STK38L: variants seen among roughly 807,000 people sequenced by gnomAD.
STK38L encodes the protein serine/threonine-protein kinase 38-like.
Under a neutral mutation model 59.7 loss-of-function variants are expected in STK38L, and 28 were observed. The observed-to-expected ratio is 0.47, with a 90% CI of 0.35 to 0.64. The LOEUF (loss-of-function observed/expected upper bound fraction) is 0.64. Ranked by LOEUF, STK38L falls within the 30% of genes least tolerant of loss-of-function variation. The pLI is 0.01. For synonymous variants in STK38L, 162 were observed against 176.8 expected (o/e 0.92, Z 0.66); for missense variants, 314 against 555.8 (o/e 0.56, Z 4.37).
chr12:27,312,949 C>T lies in STK38L; in HGVS notation c.517+277C>T, dbSNP rs192234746. Among the ~76,000 whole-genome samples the T allele has an allele frequency of 1.3e-3, 195 of 152,158 alleles. 1 individual carries two copies. Among genetic ancestry groups the T allele is most frequent in the African/African-American group, 4.3e-3 (177 of 41,514 alleles). ...TGTGTTAGTTTATTTTATGTTGTTA[C>T]AAAAAATACCTGAGACTGGATGGGC... is the stretch of plus-strand genomic sequence containing the variant. On this transcript the variant is annotated intron_variant, in intron 6 of 13. Transcript: ENST00000389032.
chr12:27,317,358 C>T lies in STK38L; in HGVS notation c.860C>T (p.Pro287Leu), dbSNP rs1944611096. 2 of 1,610,652 alleles carry T rather than the reference C, an allele frequency of 1.2e-6. No homozygotes were observed. Among genetic ancestry groups the T allele is most frequent in the East Asian group, 4.5e-5 (2 of 44,802 alleles). Residue 287 changes from proline (P) to leucine (L), a missense_variant, in exon 10 of 14, where the codon CCA becomes CTA. Coordinates refer to ENST00000389032, the MANE Select transcript of STK38L (RefSeq NM_015000.4). ...RQLAYSTVGTPDYIAPEVFMQ... is the reference protein window; with the variant it reads ...RQLAYSTVGTLDYIAPEVFMQ... ...TAGGCATATTCCACAGTTGGGACAC[C>T]AGATTACATTGCTCCAGAAGTATTC... is the stretch of plus-strand genomic sequence containing the variant.
At chr12:27,305,251 G>T (rs1944281658) in intron 3 of STK38L, among the ~76,000 whole-genome samples, 1 of 152,218 alleles carries the variant, frequency 6.6e-6, no homozygotes, top group Non-Finnish European at 1.5e-5. Context: ...GTTGAATATA[G>T]TTTGTAGCTT....
chr12:27,261,596 A>G (rs1328702184), intron 1 of STK38L, among the ~76,000 whole-genome samples: 1 of 152,154 alleles, frequency 6.6e-6, no homozygotes, highest in Non-Finnish European at 1.5e-5. Context: ...TTGTTACAGT[A>G]ATATCTGAAC....
rs575187164 is a variant in STK38L at position 27,325,587 on chromosome 12, T to C, written c.*3132T>C. On this transcript the variant is annotated 3_prime_UTR_variant, in exon 14 of 14. Transcript: ENST00000389032. The stretch of plus-strand genomic sequence containing the variant: ...AGAACATTCAAAATAACTGTTTTGC[T>C]ACAACCCATGATTATTTTCCTGTTG... 6.6e-5 allele frequency: 10 copies of C among 152,294 alleles called. No homozygotes were observed. Among genetic ancestry groups the C allele is most frequent in the Non-Finnish European group, 4.4e-5 (3 of 67,994 alleles). The allele number at this position is 152,294 out of a possible 1,614,324, so 9.4% of individuals were successfully genotyped here. A position where few individuals can be genotyped will look rare whatever the true frequency, so the allele number is the denominator to read the frequency against.
At position 27,279,319 on chromosome 12, in the gene STK38L, TTAAA is replaced by T. The variant is rs1943602705; in HGVS notation, c.-11-18388_-11-18385del. Among the ~76,000 whole-genome samples the T allele has an allele frequency of 2.0e-5, 3 of 152,254 alleles. No individual in the cohort carries two copies. In the South Asian group the frequency reaches 6.2e-4, roughly 31 times the overall value. ...TTGGTTTAGCTGTGATAATAAATGTTTAAATAGTTTAAAGGAACAGAGTCTCAAA... is the reference window on the plus strand; with the variant it reads ...TTGGTTTAGCTGTGATAATAAATGTTTAGTTTAAAGGAACAGAGTCTCAAA... On this transcript the variant is annotated intron_variant, in intron 1 of 13. Transcript: ENST00000389032.
chr12:27,309,460 A>AG (rs774617158), intron 5 of STK38L, among the ~76,000 whole-genome samples: 1 of 152,186 alleles, frequency 6.6e-6, no homozygotes, highest in Non-Finnish European at 1.5e-5. Context: ...ATAGTTCTGG[A>AG]GGCTACAAGT....
intron 1 of STK38L, among the ~76,000 whole-genome samples, chr12:27,278,956 A>G (rs1000305129): frequency 6.6e-6 from 1 of 152,220 alleles, no homozygotes; most frequent in East Asian, 1.9e-4. Flanking sequence ...ATGAAAAAGT[A>G]TAATAATTTG....
intron 12 of STK38L, among the ~76,000 whole-genome samples, chr12:27,319,698 A>G (rs938677984): frequency 2.3e-4 from 35 of 152,202 alleles, no homozygotes; most frequent in African/African-American, 8.4e-4. Flanking sequence ...CACATGAAAC[A>G]TGTATTTACA....
In STK38L at chr12:27,297,865, G is replaced by A. The variant is rs765706698; in HGVS notation, c.134+11G>A. ...AGAGAGAGAAACCAGGTATAGTAAG[G>A]GCTAATCAAAACTTTTTTTAGTTAA... On this transcript the variant is annotated intron_variant, in intron 2 of 13. Transcript: ENST00000389032. 1.2e-6 allele frequency: 2 copies of A among 1,612,294 alleles called. No homozygotes were observed. The highest frequency in any genetic ancestry group is 1.1e-5 in the South Asian group (1 of 90,916).
At chr12:27,321,951 A>C (rs1315470726) in intron 12 of STK38L, among the ~76,000 whole-genome samples, 192 bp from the exon 13 acceptor site, 1 of 152,234 alleles carries the variant, frequency 6.6e-6, no homozygotes, top group Non-Finnish European at 1.5e-5. Context: ...AATTCTAAGT[A>C]AATGAAAACA....
chr12:27,268,789 T>A (rs1480480638), intron 1 of STK38L, among the ~76,000 whole-genome samples: 1 of 152,212 alleles, frequency 6.6e-6, no homozygotes, highest in Non-Finnish European at 1.5e-5. Context: ...TGTTGTTTCC[T>A]GACTTTTTAA....
intron 1 of STK38L, among the ~76,000 whole-genome samples, chr12:27,252,042 C>T (rs1396858435): frequency 1.3e-5 from 2 of 151,998 alleles, no homozygotes; most frequent in Non-Finnish European, 2.9e-5. Context: ...TGCAGTGGCG[C>T]GATCTCAGCT....
In STK38L at chr12:27,319,384, G is replaced by A. The variant is rs373198367; in HGVS notation, c.1136G>A (p.Gly379Asp). 3.7e-6 allele frequency: 6 copies of A among 1,613,296 alleles called. No homozygotes were observed. Among genetic ancestry groups the A allele is most frequent in the Non-Finnish European group, 5.1e-6 (6 of 1,179,632 alleles). Residue 379 changes from glycine to aspartate, a missense_variant, in exon 12 of 14, where the codon GGT becomes GAT. By Grantham distance (94) the Gly-to-Asp change is moderately conservative. Transcript: ENST00000389032. Reference protein sequence around the residue: ...IGNSGVEEIKGHPFFEGVDWE... With the variant: ...IGNSGVEEIKDHPFFEGVDWE... ...AATAGTGGAGTAGAAGAAATAAAAG[G>A]TCATCCCTTTTTTGAAGGTGTCGAC...
intron 3 of STK38L, 197 bp downstream of exon 3, chr12:27,302,385 G>A (rs989126548): frequency 1.3e-5 from 5 of 390,924 alleles, no homozygotes; most frequent in African/African-American, 2.1e-5. Context: ...CCAAGAACAC[G>A]TATTTAAGAG....
At chr12:27,321,380 T>G (rs1188319804) in intron 12 of STK38L, among the ~76,000 whole-genome samples, 2 of 152,212 alleles carry the variant, frequency 1.3e-5, no homozygotes, top group Non-Finnish European at 2.9e-5. Context: ...TCTTAAAATT[T>G]GTATGACAGA....
intron 1 of STK38L, among the ~76,000 whole-genome samples, chr12:27,288,490 A>G (rs1943826863): frequency 6.6e-6 from 1 of 152,078 alleles, no homozygotes; most frequent in South Asian, 2.1e-4. Flanking sequence ...TTCTGGGTGC[A>G]CTAGCTATCA....
chr12:27,255,216 T>C (rs982807137), intron 1 of STK38L, among the ~76,000 whole-genome samples: 38 of 152,328 alleles, frequency 2.5e-4, no homozygotes, highest in African/African-American at 8.9e-4. Flanking sequence ...AACATGTGTT[T>C]GAATTTTTAC....
intron 5 of STK38L, 68 bp downstream of exon 5, chr12:27,309,265 T>C: frequency 8.3e-7 from 1 of 1,205,816 alleles, no homozygotes; most frequent in South Asian, 1.5e-5. Context: ...GTGTTTATAT[T>C]AGAATTTTTA....
chr12:27,319,606 T>A (rs1437230120), intron 12 of STK38L, among the ~76,000 whole-genome samples, 183 bp downstream of exon 12: 1 of 152,246 alleles, frequency 6.6e-6, no homozygotes, highest in Non-Finnish European at 1.5e-5. Flanking sequence ...ATGACTCATT[T>A]TAGGCTAACA....
Sources: gnomAD v4.1 joint callset for allele counts (sites outside exome capture counted in the v4.1 genomes callset) on GRCh38, gnomAD v4.1.1 for gene constraint, MANE v1.5 for transcripts, NCBI Gene and HGNC (gene_info 2026-07-23, HGNC 2026-07-21) for gene names.